Variants in FAT4 observed in about 807,000 individuals in gnomAD.
FAT4 encodes the protein FAT atypical cadherin 4, also known as protocadherin Fat 4.
Under a neutral mutation model 303.9 loss-of-function variants are expected in FAT4, and 84 were observed. The observed-to-expected ratio is 0.28, with a 90% confidence interval of 0.23 to 0.33. FAT4 has a LOEUF of 0.33. FAT4 is among the 10% of genes least tolerant of loss of function. The pLI, the probability that FAT4 is intolerant of heterozygous loss-of-function variation, is 1.00. For missense variants in FAT4, 6,005 were observed against 6,146.8 expected (o/e 0.98, Z 0.77); for synonymous variants, 2,307 against 2,298.8 (o/e 1.00, Z -0.10).
chr4:125,462,848 C>A (rs934104070), intron 10 of FAT4, among the ~76,000 whole-genome samples: 6 of 151,996 alleles, frequency 3.9e-5, no homozygotes, highest in Admixed American at 1.3e-4. Context: ...TTCTTCACTG[C>A]CATATCCCCC....
intron 8 of FAT4, among the ~76,000 whole-genome samples, chr4:125,436,407 T>A (rs1725453914): frequency 6.6e-6 from 1 of 152,092 alleles, no homozygotes; most frequent in East Asian, 1.9e-4. Context: ...GAGATACCAG[T>A]TAGGAAGCTG....
chr4:125,369,700 G>T (rs2125990720), intron 2 of FAT4, among the ~76,000 whole-genome samples: 1 of 152,200 alleles, frequency 6.6e-6, no homozygotes, highest in African/African-American at 2.4e-5. Flanking sequence ...CTCTGCAACT[G>T]TAGCCGTCAT....
rs989898798 is a variant in FAT4 at position 125,452,106 on chromosome 4, T to C, written c.11096T>C (p.Ile3699Thr). The C allele has an allele frequency of 2.4e-5, 38 of 1,614,186 alleles. No individual in the cohort carries two copies. The highest frequency in any genetic ancestry group is 3.1e-5 in the Non-Finnish European group (36 of 1,180,034). ...DGVHSTVTSN[I>T]RVFFAGFSNA... Reference sequence around the variant, plus strand: ...GTTCACAGCACAGTCACGAGCAACATCCGAGTTTTCTTTGCTGGATTTTCC... The same window carrying C: ...GTTCACAGCACAGTCACGAGCAACACCCGAGTTTTCTTTGCTGGATTTTCC... The change falls in exon 10 of 18, where the codon ATC becomes ACC. Residue 3699 changes from isoleucine (I) to threonine (T), a missense_variant. Ile to Thr is a moderately conservative substitution (Grantham distance 89). Coordinates refer to ENST00000394329, the MANE Select transcript of FAT4 (RefSeq NM_001291303.3).
At position 125,449,112 on chromosome 4, in the gene FAT4, C is replaced by A. The variant is rs1367610102; in HGVS notation, c.8102C>A (p.Pro2701His). Reference sequence around the variant, plus strand: ...TCGGCAATGGACAAGGACAGTGGACCCAATGGACAGTTAGATTATGAAATT... The same window carrying A: ...TCGGCAATGGACAAGGACAGTGGACACAATGGACAGTTAGATTATGAAATT... The part of the protein sequence containing the change: ...TVSAMDKDSG[P>H]NGQLDYEIVN... Residue 2701 changes from proline to histidine, a missense_variant, in exon 10 of 18, where the codon CCC (proline) becomes CAC (histidine). Pro to His is a moderately conservative substitution (Grantham distance 77). Transcript: ENST00000394329. The A allele has an allele frequency of 6.2e-7, 1 of 1,613,780 alleles. No homozygotes were observed. The highest frequency in any genetic ancestry group is 8.5e-7 in the Non-Finnish European group (1 of 1,179,836).
At chr4:125,476,663 G>A (rs1727041128) in intron 13 of FAT4, among the ~76,000 whole-genome samples, 1 of 152,064 alleles carries the variant, frequency 6.6e-6, no homozygotes, top group Non-Finnish European at 1.5e-5. Context: ...TAATCTACCA[G>A]AAAATAAGTG....
rs967868359 is a variant in FAT4 at position 125,316,115 on chromosome 4, G to C, written c.-13+138G>C. The stretch of plus-strand genomic sequence containing the variant: ...GGATTCAAAAACAAAGTAAAAGGGG[G>C]CATATATAAGAGGCTTGAGAAACTT... On this transcript the variant is annotated intron_variant, in intron 1 of 17. Transcript: ENST00000394329. The surrounding 1 kb of genome is among the most constrained non-coding windows in gnomAD (Gnocchi z 5.7). Among the ~76,000 whole-genome samples the C allele has an allele frequency of 6.6e-6, 1 of 152,138 alleles. No homozygotes were observed. Among genetic ancestry groups the C allele is most frequent in the Non-Finnish European group, 1.5e-5 (1 of 68,026 alleles).
intron 2 of FAT4, among the ~76,000 whole-genome samples, chr4:125,348,648 A>C (rs1262386070): frequency 6.6e-6 from 1 of 151,700 alleles, no homozygotes; most frequent in Non-Finnish European, 1.5e-5. Context: ...AAATATGTTC[A>C]GATTAAGTAA....
chr4:125,387,285 A>G (rs1733791694), intron 2 of FAT4, among the ~76,000 whole-genome samples: 1 of 152,226 alleles, frequency 6.6e-6, no homozygotes, highest in Non-Finnish European at 1.5e-5. Context: ...GGTGAAGACT[A>G]CTATGCAAAT....
chr4:125,424,915 C>T (rs1335832133), intron 7 of FAT4, among the ~76,000 whole-genome samples: 2 of 152,062 alleles, frequency 1.3e-5, no homozygotes, highest in South Asian at 4.2e-4. Flanking sequence ...AGGCATGAGT[C>T]CTAGAATATT....
intron 17 of FAT4, among the ~76,000 whole-genome samples, chr4:125,489,561 G>C (rs543385318): frequency 6.6e-6 from 1 of 152,092 alleles, no homozygotes; most frequent in Middle Eastern, 3.4e-3. Flanking sequence ...GCAATTTTTG[G>C]TATATGGGAT....
At chr4:125,328,005 G>A (rs529042304) in intron 2 of FAT4, among the ~76,000 whole-genome samples, 6 of 152,216 alleles carry the variant, frequency 3.9e-5, no homozygotes, top group East Asian at 3.9e-4. Flanking sequence ...TAGGCCCAGC[G>A]CTTTATAAAA....
chr4:125,316,332 C>A lies in FAT4; in HGVS notation c.-12-68C>A. On this transcript the variant is annotated intron_variant, in intron 1 of 17. Transcript: ENST00000394329. The surrounding 1 kb of genome is among the most constrained non-coding windows in gnomAD (Gnocchi z 5.7). Reference sequence around the variant, plus strand: ...GCCGTCAGCTGAATCTTTGCTGGCGCTCCTTAATCCCTGTAAATATCATTG... The same window carrying A: ...GCCGTCAGCTGAATCTTTGCTGGCGATCCTTAATCCCTGTAAATATCATTG... 1 of 1,495,814 alleles carries A rather than the reference C, an allele frequency of 6.7e-7. No homozygotes were observed. Among genetic ancestry groups the A allele is most frequent in the African/African-American group, 1.4e-5 (1 of 71,652 alleles). The allele number at this position is 1,495,814 out of a possible 1,614,324, so 92.7% of individuals were successfully genotyped here.
chr4:125,443,689 T>C (rs1362141211), intron 8 of FAT4, among the ~76,000 whole-genome samples: 1 of 152,116 alleles, frequency 6.6e-6, no homozygotes, highest in East Asian at 1.9e-4. Flanking sequence ...CCTGGAAATA[T>C]TTAAGTAACA....
intron 3 of FAT4, among the ~76,000 whole-genome samples, chr4:125,402,727 CTG>C (rs1734436039): frequency 6.6e-6 from 1 of 152,000 alleles, no homozygotes; most frequent in East Asian, 1.9e-4. Flanking sequence ...TGTATGGAAA[CTG>C]TGGATGCTGT....
intron 11 of FAT4, among the ~76,000 whole-genome samples, chr4:125,464,525 A>AT (rs970332022): frequency 7.0e-6 from 1 of 141,926 alleles, no homozygotes; most frequent in Non-Finnish European, 1.6e-5. Flanking sequence ...CTATTTATTT[A>AT]TTTTTTTATT....
intron 2 of FAT4, among the ~76,000 whole-genome samples, chr4:125,369,938 TA>T (rs1339976384): frequency 2.0e-5 from 3 of 152,214 alleles, no homozygotes; most frequent in African/African-American, 7.2e-5. Context: ...CAAGTTGTAG[TA>T]AATGTCAGAA....
chr4:125,442,578 C>T, intron 8 of FAT4, among the ~76,000 whole-genome samples: 1 of 152,006 alleles, frequency 6.6e-6, no homozygotes, highest in Non-Finnish European at 1.5e-5. Flanking sequence ...GTTCACAAAC[C>T]TTGTTTCAAG....
rs753545756 is a variant in FAT4 at position 125,415,250 on chromosome 4, A to G, written c.6287A>G (p.Lys2096Arg). ...EYTLLNPLGN[K>R]FSIGTIDGEV... ...ACTCTGCTGAACCCTTTGGGAAACA[A>G]GTTCAGTATTGGGACCATTGATGGT... Residue 2096 changes from lysine to arginine, a missense_variant, in exon 6 of 18, where the codon AAG (lysine) becomes AGG (arginine). Physicochemically the swap from Lys to Arg is conservative, Grantham distance 26. Coordinates refer to ENST00000394329, the MANE Select transcript of FAT4 (RefSeq NM_001291303.3). The G allele has an allele frequency of 9.3e-6, 15 of 1,614,008 alleles. No homozygotes were observed. The highest frequency in any genetic ancestry group is 1.2e-5 in the Non-Finnish European group (14 of 1,180,000).
Position 125,451,599 on chromosome 4 carries a change from T to G in FAT4, c.10589T>G (p.Met3530Arg). The G allele has an allele frequency of 6.2e-7, 1 of 1,614,154 alleles. No individual in the cohort carries two copies. Among genetic ancestry groups the G allele is most frequent in the Non-Finnish European group, 8.5e-7 (1 of 1,180,018 alleles). The change falls in exon 10 of 18, where the codon ATG becomes AGG. Residue 3530 changes from methionine (M) to arginine (R), a missense_variant. By Grantham distance (91) the Met-to-Arg change is moderately conservative (BLOSUM62 -1). Coordinates refer to ENST00000394329, the MANE Select transcript of FAT4 (RefSeq NM_001291303.3). ...MENKRPGTLV[M>R]TLQSTDPDLP... ...AACAAACGGCCAGGCACTTTGGTGA[T>G]GACCCTTCAGTCCACTGACCCTGAT...
Sources: allele counts gnomAD v4.1 joint callset (sites outside exome capture counted in the v4.1 genomes callset), GRCh38; gene constraint gnomAD v4.1.1; non-coding constraint Gnocchi (gnomAD v3.1); transcripts MANE v1.5; gene names NCBI Gene and HGNC (gene_info 2026-07-23, HGNC 2026-07-21).